Variants in UBAC2 observed in about 807,000 individuals in gnomAD.
UBAC2 encodes ubiquitin-associated domain-containing protein 2.
A neutral mutation model predicts 44.0 loss-of-function variants in UBAC2; 26 were observed. The ratio of observed to expected loss-of-function variants is 0.59; its 90% CI spans 0.43 to 0.82. The LOEUF (loss-of-function observed/expected upper bound fraction) is 0.82, where lower values mean the gene tolerates loss of function less well. Ranked by LOEUF, UBAC2 falls within the 40% of genes least tolerant of loss-of-function variation. The probability of loss-of-function intolerance (pLI) is 0.00; values close to 1 mark genes in which losing one functional copy is unlikely to be tolerated. For missense variants in UBAC2, 329 were observed against 419.4 expected (o/e 0.78, Z 1.88); for synonymous variants, 155 against 154.3 (o/e 1.00, Z -0.04).
At chr13:99,230,329 G>T (rs1270313060) in intron 1 of UBAC2, among the ~76,000 whole-genome samples, 1 of 151,962 alleles carries the variant, frequency 6.6e-6, no homozygotes, top group African/African-American at 2.4e-5. Context: ...AGCTGGGCAT[G>T]GTGGCAAGCG....
At chr13:99,346,221 G>A (rs1157078404) in intron 7 of UBAC2, among the ~76,000 whole-genome samples, 1 of 152,100 alleles carries the variant, frequency 6.6e-6, no homozygotes, top group South Asian at 2.1e-4. Flanking sequence ...CCTCCTTGAT[G>A]TAAGTCCGTC....
Position 99,295,373 on chromosome 13 carries a change from G to A in UBAC2, c.390-18724G>A. On this transcript the variant is annotated intron_variant, in intron 4 of 8. Transcript: ENST00000403766. This position sits in a 1 kb window ranked among gnomAD's most constrained non-coding sequence, Gnocchi z 4.1. ...TTGAATAATTGCAACATGGTAAGGTGTGAAACAGAGAACAAACACAACAAT... is the reference window on the plus strand; with the variant it reads ...TTGAATAATTGCAACATGGTAAGGTATGAAACAGAGAACAAACACAACAAT... 6.2e-7 allele frequency: 1 copy of A among 1,614,062 alleles called. No homozygotes were observed. The highest frequency in any genetic ancestry group is 8.5e-7 in the Non-Finnish European group (1 of 1,179,954).
chr13:99,210,770 C>T (rs988202625), intron 1 of UBAC2, among the ~76,000 whole-genome samples: 1 of 152,106 alleles, frequency 6.6e-6, no homozygotes, highest in African/African-American at 2.4e-5. Flanking sequence ...AACCACCACG[C>T]CTGACCTATT....
At chr13:99,316,849 TTGCTTAACCACTCGGTTTTACTGAAG>T (rs1273842281) in intron 5 of UBAC2, among the ~76,000 whole-genome samples, 1 of 152,202 alleles carries the variant, frequency 6.6e-6, no homozygotes, top group East Asian at 1.9e-4. Context: ...CTGTGGCAAA[TTGCTTAACCACTCGGTTTTACTGAAG>T]TGCCTTGAGA....
intron 1 of UBAC2, among the ~76,000 whole-genome samples, chr13:99,201,847 G>A (rs1010469740): frequency 6.6e-6 from 1 of 152,030 alleles, no homozygotes; most frequent in African/African-American, 2.4e-5. Flanking sequence ...CGAGGTGGGC[G>A]GATCACGAGG....
At chr13:99,384,208 T>TCA (rs1288695639) in intron 8 of UBAC2, among the ~76,000 whole-genome samples, 3 of 152,106 alleles carry the variant, frequency 2.0e-5, no homozygotes, top group South Asian at 2.1e-4. Context: ...AAACTCTGAC[T>TCA]AAGTCCTCAG....
At chr13:99,306,722 G>C (rs2044342211) in intron 4 of UBAC2, among the ~76,000 whole-genome samples, 1 of 152,064 alleles carries the variant, frequency 6.6e-6, no homozygotes, top group East Asian at 1.9e-4. Flanking sequence ...GTAAACACAA[G>C]TATAAACCAC....
intron 1 of UBAC2, among the ~76,000 whole-genome samples, chr13:99,207,009 C>G (rs953454241): frequency 6.6e-6 from 1 of 152,248 alleles, no homozygotes; most frequent in Non-Finnish European, 1.5e-5. Flanking sequence ...TGAACTCTTT[C>G]TTCCCTGTCT....
chr13:99,205,746 A>G (rs1392539130), intron 1 of UBAC2: 4 of 161,918 alleles, frequency 2.5e-5, no homozygotes, highest in Non-Finnish European at 4.2e-5. Flanking sequence ...CTGTCACCCC[A>G]TTGATCGCCA....
At chr13:99,244,828 T>C (rs1455670180) in intron 4 of UBAC2, among the ~76,000 whole-genome samples, 1 of 148,398 alleles carries the variant, frequency 6.7e-6, no homozygotes, top group Non-Finnish European at 1.5e-5. Flanking sequence ...TTCTTTAAAA[T>C]TTATTTTACT....
intron 4 of UBAC2, among the ~76,000 whole-genome samples, chr13:99,284,019 C>T (rs1265480073): frequency 6.6e-6 from 1 of 152,164 alleles, no homozygotes; most frequent in Non-Finnish European, 1.5e-5. Context: ...AGGCGTGAGC[C>T]ACCACGCCTG....
intron 6 of UBAC2, among the ~76,000 whole-genome samples, chr13:99,329,835 T>A (rs2044689677): frequency 6.6e-6 from 1 of 152,212 alleles, no homozygotes; most frequent in Non-Finnish European, 1.5e-5. Flanking sequence ...ACCACTCAGC[T>A]AAGTTACTCC....
intron 2 of UBAC2, among the ~76,000 whole-genome samples, chr13:99,241,892 C>T (rs2043305014): frequency 6.7e-6 from 1 of 148,942 alleles, no homozygotes; most frequent in African/African-American, 2.5e-5. Context: ...CGGCCTTCCG[C>T]AGTGTTTGTG....
chr13:99,335,309 C>T (rs2044771699), intron 6 of UBAC2, among the ~76,000 whole-genome samples: 1 of 151,822 alleles, frequency 6.6e-6, no homozygotes, highest in Admixed American at 6.6e-5. Context: ...CTGATATACA[C>T]CCTATTTTCT....
At position 99,326,047 on chromosome 13, in the gene UBAC2, G is replaced by A. The variant is rs139641542; in HGVS notation, c.561+7978G>A. Among the ~76,000 whole-genome samples, 597 of 152,266 alleles carry A rather than the reference G, an allele frequency of 3.9e-3. 5 individuals are homozygous for A. The highest frequency in any genetic ancestry group is 0.014 in the African/African-American group (563 of 41,552). On this transcript the variant is annotated intron_variant, in intron 6 of 8. Coordinates refer to ENST00000403766, the MANE Select transcript of UBAC2 (RefSeq NM_001144072.2). ...AGATCCTGATTCATTTCTTTTGGAT[G>A]TATACCCAATAGTGGGATTGCTGGA...
intron 6 of UBAC2, among the ~76,000 whole-genome samples, chr13:99,330,940 T>A (rs1319318162): frequency 6.6e-6 from 1 of 152,248 alleles, no homozygotes; most frequent in Non-Finnish European, 1.5e-5. Context: ...AGGAGGATGG[T>A]CCGCTTGTTA....
At chr13:99,373,618 G>A (rs971174339) in intron 8 of UBAC2, among the ~76,000 whole-genome samples, 2 of 152,218 alleles carry the variant, frequency 1.3e-5, no homozygotes, top group East Asian at 1.9e-4. Flanking sequence ...GGGTGCTGCT[G>A]AGGCCAAGAA....
At chr13:99,204,927 C>T (rs1409365900) in intron 1 of UBAC2, among the ~76,000 whole-genome samples, 3 of 99,254 alleles carry the variant, frequency 3.0e-5, no homozygotes, top group African/African-American at 3.9e-5. Context: ...TTTTTTGCGA[C>T]GGAGTCTTGC....
intron 8 of UBAC2, among the ~76,000 whole-genome samples, chr13:99,379,254 C>G (rs1452135987): frequency 1.3e-5 from 2 of 152,222 alleles, no homozygotes; most frequent in East Asian, 3.8e-4. Flanking sequence ...TTGATGTCCT[C>G]AGTTCCTGGA....
Sources: allele counts gnomAD v4.1 joint callset (sites outside exome capture counted in the v4.1 genomes callset), GRCh38; gene constraint gnomAD v4.1.1; non-coding constraint Gnocchi (gnomAD v3.1); transcripts MANE v1.5; gene names NCBI Gene and HGNC (gene_info 2026-07-23, HGNC 2026-07-21).